The following LIMK2 variants were observed in gnomAD, a reference collection of about 807,000 sequenced individuals.
LIMK2 encodes the protein LIM domain kinase 2.
In LIMK2, 35 loss-of-function variants were observed where a neutral mutation model predicts 75.7. The observed-to-expected ratio is 0.46, with a 90% CI of 0.35 to 0.61. The LOEUF (loss-of-function observed/expected upper bound fraction) is 0.61, where lower values mean the gene tolerates loss of function less well. Among genes scored for constraint, LIMK2 ranks in the 20% least tolerant of loss-of-function variants. The probability of loss-of-function intolerance (pLI) is 0.00; values close to 1 mark genes in which losing one functional copy is unlikely to be tolerated. For missense variants in LIMK2, 623 were observed against 831.0 expected (o/e 0.75, Z 3.08); for synonymous variants, 301 against 319.2 (o/e 0.94, Z 0.61).
intron 2 of LIMK2, among the ~76,000 whole-genome samples, chr22:31,242,337 C>T (rs181727290): frequency 3.3e-5 from 5 of 152,320 alleles, no homozygotes; most frequent in African/African-American, 7.2e-5. Flanking sequence ...GATCATAAGG[C>T]TTCCTTTTTC....
Position 31,278,323 on chromosome 22 carries a change from C to T in LIMK2, c.1799C>T (p.Ser600Phe), listed in dbSNP as rs962213087. ...SRPAFSKLED[S>F]FEALSLYLGE... ...CCAGCATTCTCGAAATTGGAGGACT[C>T]CTTTGAGGCCCTCTCCCTGTACCTG... The change falls in exon 16 of 16, where the codon TCC (serine) becomes TTC (phenylalanine). Residue 600 changes from serine (S) to phenylalanine (F), a missense_variant. By Grantham distance (155) the Ser-to-Phe change is radical (BLOSUM62 -2). Transcript: ENST00000331728. 3 of 1,613,354 alleles carry T rather than the reference C, an allele frequency of 1.9e-6. No homozygotes were observed. In the African/African-American group the frequency reaches 4.0e-5, roughly 22 times the overall value.
chr22:31,276,641 G>A, intron 15 of LIMK2: 1 of 997,502 alleles, frequency 1.0e-6, no homozygotes, highest in Non-Finnish European at 1.2e-6. Context: ...TCACGGAGGC[G>A]GCGGCACAAG....
intron 2 of LIMK2, among the ~76,000 whole-genome samples, chr22:31,228,426 A>G (rs999669574): frequency 5.3e-5 from 8 of 152,268 alleles, no homozygotes; most frequent in Admixed American, 1.3e-4. Context: ...TCGCAAAAAA[A>G]CAACCACCAC....
chr22:31,263,668 T>G (rs2048863146), intron 7 of LIMK2, among the ~76,000 whole-genome samples: 1 of 148,628 alleles, frequency 6.7e-6, no homozygotes, highest in Non-Finnish European at 1.5e-5. Context: ...AGTGAGACAC[T>G]GTCTCTACAA....
intron 15 of LIMK2, chr22:31,277,192 C>T (rs755080399): frequency 2.9e-5 from 47 of 1,610,424 alleles, no homozygotes; most frequent in East Asian, 4.5e-5. Context: ...CGCTACCCCC[C>T]GACCTCGTAG....
At chr22:31,246,191 A>G (rs1286476521) in intron 2 of LIMK2, among the ~76,000 whole-genome samples, 6 of 149,630 alleles carry the variant, frequency 4.0e-5, no homozygotes, top group East Asian at 2.0e-4. Context: ...ACGCACACAC[A>G]CACACACACA....
intron 2 of LIMK2, among the ~76,000 whole-genome samples, chr22:31,244,929 C>T (rs1164328276): frequency 1.3e-5 from 2 of 152,226 alleles, no homozygotes; most frequent in African/African-American, 4.8e-5. Context: ...CTTCACTTCT[C>T]ACATTTACAG....
Position 31,278,564 on chromosome 22 carries a change from C to A in LIMK2, c.*123C>A, listed in dbSNP as rs2049055534. 1.4e-5 allele frequency: 15 copies of A among 1,086,970 alleles called. No individual in the cohort carries two copies. The highest frequency in any genetic ancestry group is 1.3e-6 in the Non-Finnish European group (1 of 788,096). 67.3% of individuals were successfully genotyped at this position (1,086,970 alleles called of 1,614,324 possible). A position where few individuals can be genotyped will look rare whatever the true frequency, so the allele number is the denominator to read the frequency against. On this transcript the variant is annotated 3_prime_UTR_variant, in exon 16 of 16. Coordinates refer to ENST00000331728, the MANE Select transcript of LIMK2 (RefSeq NM_005569.4). ...ATTGGCGGAATGTTTAGAAGCAGAA[C>A]AAGCCATTCCTATTACCTCCCCAGG... is the stretch of plus-strand genomic sequence containing the variant.
intron 5 of LIMK2, 148 bp downstream of exon 5, chr22:31,260,225 A>G (rs2048825395): frequency 6.3e-6 from 4 of 637,602 alleles, no homozygotes; most frequent in Non-Finnish European, 9.8e-6. Context: ...CTGTAACCGT[A>G]CCTGGGCCTT....
At chr22:31,265,380 TAAC>T (rs935751568) in intron 7 of LIMK2, among the ~76,000 whole-genome samples, 5 of 147,620 alleles carry the variant, frequency 3.4e-5, no homozygotes, top group African/African-American at 1.0e-4. Context: ...ATAATAATAA[TAAC>T]AATAACTAGC....
rs757479307 is a variant in LIMK2, at chr22:31,273,445, C to T, written c.1559-7C>T. The T allele has an allele frequency of 6.2e-6, 10 of 1,612,536 alleles. 1 individual carries two copies. The South Asian group carries it at 6.6e-5, about 11-fold the overall frequency. On this transcript the variant is annotated splice_polypyrimidine_tract_variant and splice_region_variant and intron_variant, in intron 13 of 15. Transcript: ENST00000331728. ...ACTTAACAGTGTGCTCTCCTGTGTTCCCCAAGGAAAGAGCTATGATGAGAC... is the reference window on the plus strand; with the variant it reads ...ACTTAACAGTGTGCTCTCCTGTGTTTCCCAAGGAAAGAGCTATGATGAGAC...
chr22:31,237,290 G>A (rs1252517036), intron 2 of LIMK2, among the ~76,000 whole-genome samples: 8 of 146,526 alleles, frequency 5.5e-5, no homozygotes, highest in South Asian at 2.2e-4. Flanking sequence ...GAGGTTGGGC[G>A]CGGTGGCTCG....
intron 2 of LIMK2, among the ~76,000 whole-genome samples, chr22:31,254,038 G>C (rs1423661883): frequency 6.6e-6 from 1 of 152,196 alleles, no homozygotes; most frequent in East Asian, 1.9e-4. Flanking sequence ...CAGTGACTTT[G>C]GCCACATAGC....
chr22:31,254,787 C>T (rs144427080), intron 2 of LIMK2, among the ~76,000 whole-genome samples: 53 of 152,192 alleles, frequency 3.5e-4, no homozygotes, highest in Non-Finnish European at 6.6e-4. Flanking sequence ...GGGGAAACCC[C>T]GTCTCTACTA....
At chr22:31,261,816 G>A (rs941519277) in intron 5 of LIMK2, among the ~76,000 whole-genome samples, 7 of 152,142 alleles carry the variant, frequency 4.6e-5, no homozygotes, top group African/African-American at 1.2e-4. Context: ...AGCTATTACC[G>A]TGATCCAGGT....
At chr22:31,238,085 A>C (rs2048594568) in intron 2 of LIMK2, among the ~76,000 whole-genome samples, 1 of 146,756 alleles carries the variant, frequency 6.8e-6, no homozygotes, top group Admixed American at 6.9e-5. Flanking sequence ...ACTGCACTTC[A>C]GCCTGGGTGA....
At chr22:31,236,653 C>G (rs2048578189) in intron 2 of LIMK2, among the ~76,000 whole-genome samples, 1 of 151,542 alleles carries the variant, frequency 6.6e-6, no homozygotes, top group Admixed American at 6.6e-5. Flanking sequence ...TTTGCTCACG[C>G]CAGTAATCCC....
At chr22:31,265,643 T>C (rs1048953669) in intron 7 of LIMK2, among the ~76,000 whole-genome samples, 1 of 152,226 alleles carries the variant, frequency 6.6e-6, no homozygotes, top group Non-Finnish European at 1.5e-5. Flanking sequence ...TGAATTACCA[T>C]CTACAGTGTT....
At chr22:31,233,789 G>A (rs936137327) in intron 2 of LIMK2, among the ~76,000 whole-genome samples, 6 of 152,088 alleles carry the variant, frequency 3.9e-5, no homozygotes, top group African/African-American at 1.4e-4. Flanking sequence ...CAGAAACCTA[G>A]GAATCCTTGA....
Sources: allele counts gnomAD v4.1 joint callset (sites outside exome capture counted in the v4.1 genomes callset), GRCh38; gene constraint gnomAD v4.1.1; transcripts MANE v1.5; gene names NCBI Gene and HGNC (gene_info 2026-07-23, HGNC 2026-07-21).